The following CTNNA3 variants were observed in gnomAD, a reference collection of about 807,000 sequenced individuals.
CTNNA3 encodes the protein catenin alpha-3.
CTNNA3 carries 76 observed loss-of-function variants against 95.7 expected under a neutral mutation model. The ratio of observed to expected loss-of-function variants is 0.79; its 90% CI spans 0.66 to 0.96. The LOEUF is 0.96. Ranked by LOEUF, CTNNA3 falls within the 40% of genes least tolerant of loss-of-function variation. CTNNA3 has a pLI of 0.00. For missense variants in CTNNA3, 1,191 were observed against 1,089.8 expected, an observed-to-expected ratio of 1.09 and a Z score of -1.31; for synonymous variants, 431 against 374.4, an observed-to-expected ratio of 1.15 and a Z score of -1.74.
chr10:66,901,625 G>A (rs1356979526), intron 7 of CTNNA3, among the ~76,000 whole-genome samples: 1 of 152,162 alleles, frequency 6.6e-6, no homozygotes, highest in East Asian at 1.9e-4. Flanking sequence ...CTGTATTCAG[G>A]AGACCCACCT....
At chr10:66,644,055 C>T (rs938067700) in intron 9 of CTNNA3, among the ~76,000 whole-genome samples, 5 of 151,868 alleles carry the variant, frequency 3.3e-5, no homozygotes, top group Admixed American at 2.0e-4. Flanking sequence ...CCTGGGAGTT[C>T]GAGACCAGCC....
intron 6 of CTNNA3, among the ~76,000 whole-genome samples, chr10:67,214,558 T>G (rs1179467370): frequency 6.6e-6 from 1 of 151,992 alleles, no homozygotes; most frequent in South Asian, 2.1e-4. Flanking sequence ...TACCATTTCC[T>G]CTGCTTACAA....
chr10:67,069,863 G>T (rs867692416), intron 7 of CTNNA3, among the ~76,000 whole-genome samples: 29 of 152,028 alleles, frequency 1.9e-4, no homozygotes, highest in Non-Finnish European at 1.2e-4. Context: ...TTACAAAAAG[G>T]GCTGTTTGAA....
At chr10:66,402,002 G>A (rs1014855367) in intron 11 of CTNNA3, among the ~76,000 whole-genome samples, 2 of 151,950 alleles carry the variant, frequency 1.3e-5, no homozygotes, top group African/African-American at 4.8e-5. Flanking sequence ...GTTGTAAATA[G>A]ATAGCTCCAC....
chr10:66,297,263 C>T (rs1911485), intron 12 of CTNNA3, among the ~76,000 whole-genome samples: 52,879 of 151,708 alleles, frequency 0.35, 9,932 homozygotes, highest in African/African-American at 0.47. Context: ...TTGAAAAAGA[C>T]GGATCTACAG....
At chr10:67,700,312 G>C (rs1266437743), upstream of CTNNA3, among the ~76,000 whole-genome samples, 1 of 152,222 alleles carries the variant, frequency 6.6e-6, no homozygotes, top group Admixed American at 6.5e-5. Context: ...AGAATGGGCA[G>C]ACTGCCTCCT....
At chr10:66,166,920 G>C (rs1398151567) in intron 13 of CTNNA3, among the ~76,000 whole-genome samples, 1 of 152,156 alleles carries the variant, frequency 6.6e-6, no homozygotes, top group Non-Finnish European at 1.5e-5. Flanking sequence ...GGAAGCTTGA[G>C]TTTGGTGGGA....
chr10:67,427,133 T>C (rs926440433), intron 5 of CTNNA3, among the ~76,000 whole-genome samples: 1 of 152,030 alleles, frequency 6.6e-6, no homozygotes, highest in African/African-American at 2.4e-5. Flanking sequence ...TCTTTATGGG[T>C]ACCAGGCATC....
intron 10 of CTNNA3, among the ~76,000 whole-genome samples, chr10:66,537,963 A>G (rs1841718475): frequency 6.6e-6 from 1 of 152,176 alleles, no homozygotes; most frequent in South Asian, 2.1e-4. Context: ...AGCATATCAC[A>G]AAGTTATCTT....
chr10:66,065,246 T>C (rs2080290403), intron 15 of CTNNA3, among the ~76,000 whole-genome samples: 1 of 151,798 alleles, frequency 6.6e-6, no homozygotes, highest in Admixed American at 6.6e-5. Context: ...TTTTGTTTTG[T>C]TTTGTTTTGT....
intron 10 of CTNNA3, among the ~76,000 whole-genome samples, chr10:66,593,978 A>G (rs1163279282): frequency 6.6e-6 from 1 of 151,652 alleles, no homozygotes; most frequent in African/African-American, 2.4e-5. Flanking sequence ...TCAAAATGTT[A>G]ACAACTCCAA....
chr10:67,127,665 C>T (rs758836418), intron 7 of CTNNA3, among the ~76,000 whole-genome samples: 4 of 152,112 alleles, frequency 2.6e-5, no homozygotes, highest in Non-Finnish European at 5.9e-5. Flanking sequence ...TGGGAAGTAC[C>T]GAGATTCCTG....
chr10:66,209,369 G>T (rs1470124499), intron 13 of CTNNA3, among the ~76,000 whole-genome samples: 1 of 152,166 alleles, frequency 6.6e-6, no homozygotes, highest in African/African-American at 2.4e-5. Flanking sequence ...AAGGTAAGAA[G>T]TATGGAGAGA....
At chr10:66,377,676 T>C (rs1242464661) in intron 12 of CTNNA3, among the ~76,000 whole-genome samples, 1 of 151,986 alleles carries the variant, frequency 6.6e-6, no homozygotes, top group Non-Finnish European at 1.5e-5. Flanking sequence ...CCCTGTTACA[T>C]TCTTCTTTTA....
intron 7 of CTNNA3, among the ~76,000 whole-genome samples, chr10:67,117,653 A>AT (rs1285868969): frequency 6.6e-6 from 1 of 152,034 alleles, no homozygotes; most frequent in Non-Finnish European, 1.5e-5. Flanking sequence ...TTCATTCAGA[A>AT]TTTTTTAAAT....
chr10:66,694,633 A>C (rs1479032667), intron 9 of CTNNA3, among the ~76,000 whole-genome samples: 1 of 152,166 alleles, frequency 6.6e-6, no homozygotes, highest in Non-Finnish European at 1.5e-5. Context: ...ACTTTTAAAA[A>C]TATGTAAAAA....
At chr10:66,197,047 C>G (rs887218301) in intron 13 of CTNNA3, among the ~76,000 whole-genome samples, 3 of 152,146 alleles carry the variant, frequency 2.0e-5, no homozygotes, top group African/African-American at 7.2e-5. Flanking sequence ...CATGCTGCTA[C>G]CCAGCTCTAG....
chr10:66,458,169 T>C (rs886212378), intron 11 of CTNNA3, among the ~76,000 whole-genome samples: 3 of 152,184 alleles, frequency 2.0e-5, no homozygotes, highest in Non-Finnish European at 4.4e-5. Flanking sequence ...TGTATGTCAA[T>C]GTTTGTAATA....
At chr10:66,113,897 T>C (rs912129188) in intron 13 of CTNNA3, among the ~76,000 whole-genome samples, 1 of 152,014 alleles carries the variant, frequency 6.6e-6, no homozygotes, top group Non-Finnish European at 1.5e-5. Flanking sequence ...CCATTGACAA[T>C]TGTGGCAATA....
Sources: allele counts gnomAD v4.1 joint callset (sites outside exome capture counted in the v4.1 genomes callset), GRCh38; gene constraint gnomAD v4.1.1; transcripts MANE v1.5; gene names NCBI Gene and HGNC (gene_info 2026-07-23, HGNC 2026-07-21).